ABCA3: variants seen among roughly 807,000 people sequenced by gnomAD.
ABCA3 encodes the protein ATP binding cassette subfamily A member 3, also known as phospholipid-transporting ATPase ABCA3.
In ABCA3, 88 loss-of-function variants were observed where a neutral mutation model predicts 172.8. The observed-to-expected ratio is 0.51, with a 90% CI of 0.43 to 0.61. The LOEUF (loss-of-function observed/expected upper bound fraction) is 0.61. Ranked by LOEUF, ABCA3 falls within the 20% of genes least tolerant of loss-of-function variation. The probability of loss-of-function intolerance (pLI) is 0.00; values close to 1 mark genes in which losing one functional copy is unlikely to be tolerated. For missense variants in ABCA3, 2,164 were observed against 2,301.0 expected, an observed-to-expected ratio of 0.94 and a Z score of 1.22; for synonymous variants, 1,066 against 983.8, an observed-to-expected ratio of 1.08 and a Z score of -1.56.
Position 2,283,039 on chromosome 16 carries a change from G to A in ABCA3, c.4035+147C>T, listed in dbSNP as rs2093657395. The A allele has an allele frequency of 6.4e-6, 6 of 939,482 alleles. No homozygotes were observed. In the East Asian group the frequency reaches 1.6e-4, roughly 25 times the overall value. 58.2% of individuals were successfully genotyped at this position (939,482 alleles called of 1,614,324 possible). ...TGCCCCGCCCTGGCTGTAAGTGCCG[G>A]CTGGTGCTGAGGCCGTACAGTGGGA... On this transcript the variant is annotated intron_variant, in intron 26 of 32. Transcript: ENST00000301732. This position sits in a 1 kb window ranked among gnomAD's most constrained non-coding sequence, Gnocchi z 5.4.
At position 2,284,513 on chromosome 16, in the gene ABCA3, G is replaced by A. The variant is rs1402997015; in HGVS notation, c.3704-76C>T. The A allele has an allele frequency of 2.5e-5, 40 of 1,580,674 alleles. No homozygotes were observed. The highest frequency in any genetic ancestry group is 8.3e-5 in the Admixed American group (5 of 59,908). On this transcript the variant is annotated intron_variant, in intron 24 of 32. Coordinates refer to ENST00000301732, the MANE Select transcript of ABCA3 (RefSeq NM_001089.3). This position sits in a 1 kb window ranked among gnomAD's most constrained non-coding sequence, Gnocchi z 5.9. ...CCTCCAGGACGGGCCTGGTCAGGGC[G>A]GGCACAGGGCCTTATCCGTGCTGTG...
intron 1 of ABCA3, among the ~76,000 whole-genome samples, 187 bp downstream of exon 1, chr16:2,340,386 G>A (rs2093758902): frequency 6.6e-6 from 1 of 151,640 alleles, no homozygotes; most frequent in South Asian, 2.1e-4. Flanking sequence ...CCGAGGCCGC[G>A]GCAGGAGGGG....
rs774292724 is a variant in ABCA3 at position 2,285,607 on chromosome 16, G to A, written c.3318C>T (p.Phe1106=). Residue 1106 remains phenylalanine, a synonymous_variant, in exon 23 of 33, where the codon TTC becomes TTT. Transcript: ENST00000301732. The surrounding 1 kb of genome is among the most constrained non-coding windows in gnomAD (Gnocchi z 4.7). ...ACGTGCTGGCCAAGAATGCCATGGC[G>A]AAGAGCAGGTTGAGGGCAATGTCGA... ...KGFDIALNLL[F]AMAFLASTFS... The A allele has an allele frequency of 1.5e-5, 23 of 1,557,010 alleles. No homozygotes were observed. The highest frequency in any genetic ancestry group is 1.9e-5 in the Admixed American group (1 of 51,530).
Position 2,278,479 on chromosome 16 carries a change from G to C in ABCA3, c.4548-21C>G. 1 of 1,608,908 alleles carries C rather than the reference G, an allele frequency of 6.2e-7. No homozygotes were observed. Among genetic ancestry groups the C allele is most frequent in the Non-Finnish European group, 8.5e-7 (1 of 1,179,938 alleles). On this transcript the variant is annotated intron_variant, in intron 29 of 32. Transcript: ENST00000301732. The surrounding 1 kb of genome is among the most constrained non-coding windows in gnomAD (Gnocchi z 4.4). ...CACCACTAGAGGCAGGAGGGTGCCA[G>C]GTGGGGGAATAAGGCTGAGAGTTAG...
At position 2,326,167 on chromosome 16, in the gene ABCA3, G is replaced by A. The variant is rs2093734035; in HGVS notation, c.162C>T (p.Ala54=). ...GGATGGACTGGCCCGGGTAGATGGT[G>A]GCGTTGGGCACATTTTCCGACTGAA... is the stretch of plus-strand genomic sequence containing the variant. ...LKIQSENVPN[A]TIYPGQSIQE... is the part of the protein sequence containing the mutation. The change falls in exon 5 of 33, where the codon GCC becomes GCT. Residue 54 remains alanine (A), a synonymous_variant. Transcript: ENST00000301732. The A allele has an allele frequency of 6.2e-7, 1 of 1,614,200 alleles. No individual in the cohort carries two copies. The highest frequency in any genetic ancestry group is 8.5e-7 in the Non-Finnish European group (1 of 1,180,056).
At position 2,313,383 on chromosome 16, in the gene ABCA3, C is replaced by T. The variant is rs537635108; in HGVS notation, c.1111+3900G>A. ...CAGCCTGGCCAACATGGTGAAACCC[C>T]GTTTCTACTAAAAATACAAAATTAG... On this transcript the variant is annotated intron_variant, in intron 10 of 32. Transcript: ENST00000301732. Among the ~76,000 whole-genome samples, 67 of 149,372 alleles carry T rather than the reference C, an allele frequency of 4.5e-4. 2 individuals are homozygous for T. Among genetic ancestry groups the T allele is most frequent in the Admixed American group, 1.3e-3 (20 of 15,010 alleles).
At chr16:2,291,198 G>A (rs1442189386) in intron 19 of ABCA3, among the ~76,000 whole-genome samples, 1 of 152,048 alleles carries the variant, frequency 6.6e-6, no homozygotes, top group Admixed American at 6.5e-5. Context: ...GCGTAATGAC[G>A]TGCGCCTGCA....
At chr16:2,290,587 C>T (rs1647581920) in intron 19 of ABCA3, among the ~76,000 whole-genome samples, 1 of 152,184 alleles carries the variant, frequency 6.6e-6, no homozygotes, top group Admixed American at 6.5e-5. Flanking sequence ...CCAGGCCAGC[C>T]CGTGGTTTCT....
At chr16:2,323,822 A>G in intron 6 of ABCA3, 134 bp from the exon 7 acceptor site, 1 of 1,045,224 alleles carries the variant, frequency 9.6e-7, no homozygotes. Flanking sequence ...GAGTATCTCC[A>G]ACAGGCCCCG....
chr16:2,308,222 G>A (rs764086791), intron 11 of ABCA3, among the ~76,000 whole-genome samples: 32 of 152,200 alleles, frequency 2.1e-4, no homozygotes, highest in Non-Finnish European at 3.8e-4. Context: ...ACTGCCCTGT[G>A]GCTCCCATCA....
intron 1 of ABCA3, chr16:2,332,710 T>C (rs879047790): frequency 2.1e-5 from 30 of 1,462,172 alleles, no homozygotes; most frequent in Non-Finnish European, 2.7e-5. Context: ...TGTCTTCTTG[T>C]GTCCAAAGAC....
chr16:2,332,301 G>T lies in ABCA3; in HGVS notation c.-538-2447C>A. 4 of 635,266 alleles carry T rather than the reference G, an allele frequency of 6.3e-6. No homozygotes were observed. The South Asian group carries it at 7.9e-5, about 12-fold the overall frequency. The allele number at this position is 635,266 out of a possible 1,614,324, so 39.4% of individuals were successfully genotyped here. A position where few individuals can be genotyped will look rare whatever the true frequency, so the allele number is the denominator to read the frequency against. ...TTTATTATACAGGTGAATTTTGATA[G>T]TCACGATGGGCTTATCGGTAGGATT... On this transcript the variant is annotated intron_variant, in intron 1 of 32. Coordinates refer to ENST00000301732, the MANE Select transcript of ABCA3 (RefSeq NM_001089.3).
At chr16:2,301,055 C>A (rs556799538) in intron 12 of ABCA3, among the ~76,000 whole-genome samples, 1 of 150,462 alleles carries the variant, frequency 6.6e-6, no homozygotes, top group African/African-American at 2.5e-5. Context: ...ACGGTGAAAC[C>A]CCGTCTCTAC....
chr16:2,292,193 C>T lies in ABCA3; in HGVS notation c.2460G>A (p.Leu820=), dbSNP rs756175617. 2.0e-5 allele frequency: 33 copies of T among 1,613,932 alleles called. No individual in the cohort carries two copies. The highest frequency in any genetic ancestry group is 2.5e-5 in the Non-Finnish European group (29 of 1,179,972). Reference sequence around the variant, plus strand: ...TGGATGCCCCAAAGCTGGCAATGCCCAGCTCTTTCTGCTTCTTCTCCAGTT... The same window carrying T: ...TGGATGCCCCAAAGCTGGCAATGCCTAGCTCTTTCTGCTTCTTCTCCAGTT... ...FAKLEKKQKE[L]GIASFGASIT... Residue 820 remains leucine, a synonymous_variant, in exon 19 of 33, where the codon CTG becomes CTA. Transcript: ENST00000301732.
chr16:2,277,503 G>T lies in ABCA3; in HGVS notation c.4983+94C>A. 1 of 1,329,802 alleles carries T rather than the reference G, an allele frequency of 7.5e-7. No homozygotes were observed. The highest frequency in any genetic ancestry group is 1.1e-6 in the Non-Finnish European group (1 of 938,990). 82.4% of individuals were successfully genotyped at this position (1,329,802 alleles called of 1,614,324 possible). A position where few individuals can be genotyped will look rare whatever the true frequency, so the allele number is the denominator to read the frequency against. On this transcript the variant is annotated intron_variant, in intron 32 of 32. Coordinates refer to ENST00000301732, the MANE Select transcript of ABCA3 (RefSeq NM_001089.3). The surrounding 1 kb of genome is among the most constrained non-coding windows in gnomAD (Gnocchi z 5.3). ...GAGAAATGGAAAGTGACTCCTCTGT[G>T]GAAAGAGCCTGCAGTCACCACAGAG...
At position 2,281,480 on chromosome 16, in the gene ABCA3, A is replaced by G; in HGVS notation, c.4065T>C (p.Leu1355=). The change falls in exon 27 of 33, where the codon CTT becomes CTC. Residue 1355 remains leucine, a synonymous_variant. Transcript: ENST00000301732. This position sits in a 1 kb window ranked among gnomAD's most constrained non-coding sequence, Gnocchi z 4.7. The stretch of plus-strand genomic sequence containing the variant: ...CGTCCGCTACATCTTGGTCCTCAGG[A>G]AGCACAGGCATCCGGGTGTATAATT... ...LTELYTRMPV[L]PEDQDVADER... is the part of the protein sequence containing the mutation. 1 of 1,613,508 alleles carries G rather than the reference A, an allele frequency of 6.2e-7. No individual in the cohort carries two copies. The highest frequency in any genetic ancestry group is 8.5e-7 in the Non-Finnish European group (1 of 1,179,954).
In ABCA3 at chr16:2,283,519, G is replaced by GGCGTCACAGCTGCCTCTCGAA; in HGVS notation, c.3863-162_3863-161insTTCGAGAGGCAGCTGTGACGC. The stretch of plus-strand genomic sequence containing the variant: ...CCAGTAGGTCACAGCTGCCTCTCGA[G>GGCGTCACAGCTGCCTCTCGAA]GCACCACAGCTCAGAGAGGGGCCAG... On this transcript the variant is annotated intron_variant, in intron 25 of 32. Coordinates refer to ENST00000301732, the MANE Select transcript of ABCA3 (RefSeq NM_001089.3). The surrounding 1 kb of genome is among the most constrained non-coding windows in gnomAD (Gnocchi z 5.4). 1 of 772,930 alleles carries GGCGTCACAGCTGCCTCTCGAA rather than the reference G, an allele frequency of 1.3e-6. No individual in the cohort carries two copies. The highest frequency in any genetic ancestry group is 3.9e-4 in the Middle Eastern group (1 of 2,566). 47.9% of individuals were successfully genotyped at this position (772,930 alleles called of 1,614,324 possible).
rs533421699 is a variant in ABCA3 at position 2,308,720 on chromosome 16, G to A, written c.1112-97C>T. On this transcript the variant is annotated intron_variant, in intron 10 of 32. Transcript: ENST00000301732. ...CAGGCAACCCCCTACTCCTGGGGCC[G>A]AGCCACCCAACCTGCTCCTGGCACT... 1.3e-4 allele frequency: 186 copies of A among 1,421,418 alleles called. 3 individuals carry two copies. In the South Asian group the frequency reaches 1.4e-3, roughly 10 times the overall value. The allele number at this position is 1,421,418 out of a possible 1,614,324, so 88.1% of individuals were successfully genotyped here.
Position 2,276,256 on chromosome 16 carries a change from G to A in ABCA3, c.*418C>T. The A allele has an allele frequency of 2.2e-6, 1 of 456,488 alleles. No individual in the cohort carries two copies. 28.3% of individuals were successfully genotyped at this position (456,488 alleles called of 1,614,324 possible). On this transcript the variant is annotated 3_prime_UTR_variant, in exon 33 of 33. Coordinates refer to ENST00000301732, the MANE Select transcript of ABCA3 (RefSeq NM_001089.3). ...TGGGGGCCTCGCTACAGTTCAACCTGGCTGGCTTCCCGCTTCCTCCCCAGG... is the reference window on the plus strand; with the variant it reads ...TGGGGGCCTCGCTACAGTTCAACCTAGCTGGCTTCCCGCTTCCTCCCCAGG...
Sources: gnomAD v4.1 joint callset for allele counts (sites outside exome capture counted in the v4.1 genomes callset) on GRCh38, gnomAD v4.1.1 for gene constraint, Gnocchi (gnomAD v3.1) non-coding constraint, MANE v1.5 for transcripts, NCBI Gene and HGNC (gene_info 2026-07-23, HGNC 2026-07-21) for gene names.